KIAA0319L: variants seen among roughly 807,000 people sequenced by gnomAD.
KIAA0319L encodes KIAA0319 like.
A neutral mutation model predicts 120.1 loss-of-function variants in KIAA0319L; 55 were observed. The ratio of observed to expected loss-of-function variants is 0.46; its 90% CI spans 0.37 to 0.57. The LOEUF (loss-of-function observed/expected upper bound fraction) is 0.57, where lower values mean the gene tolerates loss of function less well. KIAA0319L is among the 20% of genes least tolerant of loss of function. The pLI, the probability that KIAA0319L is intolerant of heterozygous loss-of-function variation, is 0.00. For synonymous variants in KIAA0319L, 398 were observed against 471.9 expected, an observed-to-expected ratio of 0.84 and a Z score of 2.03; for missense variants, 1,049 against 1,255.3, an observed-to-expected ratio of 0.84 and a Z score of 2.48.
chr1:35,477,254 C>T (rs887620877), intron 4 of KIAA0319L, among the ~76,000 whole-genome samples: 3 of 151,950 alleles, frequency 2.0e-5, no homozygotes, highest in African/African-American at 7.3e-5. Flanking sequence ...TTTAATAATC[C>T]CATTTAAAAA....
rs141964768 is a variant in KIAA0319L at position 35,545,705 on chromosome 1, G to A, written c.142+8645C>T. ...GAGGCAGGTGTTTGAGACCAGCCTG[G>A]CCAACATGGTGAAACCCTGTCTGTA... On this transcript the variant is annotated intron_variant, in intron 2 of 20. Transcript: ENST00000325722. Among the ~76,000 whole-genome samples, 942 of 152,222 alleles carry A rather than the reference G, an allele frequency of 6.2e-3. 24 individuals are homozygous for A. The East Asian group carries it at 0.067, about 11-fold the overall frequency.
At chr1:35,504,591 G>A (rs1645142286) in intron 3 of KIAA0319L, among the ~76,000 whole-genome samples, 1 of 152,162 alleles carries the variant, frequency 6.6e-6, no homozygotes, top group Non-Finnish European at 1.5e-5. Flanking sequence ...TATTGGTAAG[G>A]CTTCCAGTCA....
intron 11 of KIAA0319L, 151 bp downstream of exon 11, chr1:35,454,211 C>T: frequency 1.4e-6 from 1 of 709,738 alleles, no homozygotes; most frequent in East Asian, 2.5e-5. Flanking sequence ...GAAGAAAGCA[C>T]AAGGGGAAGG....
intron 2 of KIAA0319L, among the ~76,000 whole-genome samples, chr1:35,508,265 T>C (rs766238724): frequency 3.3e-5 from 5 of 152,198 alleles, no homozygotes; most frequent in South Asian, 2.1e-4. Context: ...GTCCTGGCCC[T>C]GGGCTTATAA....
At chr1:35,556,714 C>G (rs1296511331) in intron 1 of KIAA0319L, 1 of 152,246 alleles carries the variant, frequency 6.6e-6, no homozygotes, top group Admixed American at 6.5e-5. Flanking sequence ...ATTTTGACTT[C>G]CTTCATTTCA....
In KIAA0319L at chr1:35,450,462, T is replaced by G. The variant is rs1641977280; in HGVS notation, c.2110A>C (p.Thr704Pro). The G allele has an allele frequency of 3.1e-6, 5 of 1,614,040 alleles. No individual in the cohort carries two copies. In the East Asian group the frequency reaches 1.1e-4, roughly 36 times the overall value. The change falls in exon 14 of 21, where the codon ACC (threonine) becomes CCC (proline). Residue 704 changes from threonine (T) to proline (P), a missense_variant. Transcript: ENST00000325722. ...AGCTCTGCTGTGCTCGTGGGTAGGG[T>G]AATCACCACATTCCCAGTTATCTTG... is the stretch of plus-strand genomic sequence containing the variant. ...IAKITGNVVI[T>P]LPTSTAELDG...
rs1194706298 is a variant in KIAA0319L, at chr1:35,443,037, G to A, written c.2657-9C>T. The A allele has an allele frequency of 6.2e-7, 1 of 1,614,120 alleles. No individual in the cohort carries two copies. The highest frequency in any genetic ancestry group is 1.1e-5 in the South Asian group (1 of 91,070). The stretch of plus-strand genomic sequence containing the variant: ...ACAGTTCAGCTGACATGCTGAGAGT[G>A]GCAGCAAAGGGAAGAAAGTCAACAA... On this transcript the variant is annotated splice_polypyrimidine_tract_variant and intron_variant, in intron 17 of 20. Coordinates refer to ENST00000325722, the MANE Select transcript of KIAA0319L (RefSeq NM_024874.5).
chr1:35,504,719 C>T (rs553219230), intron 3 of KIAA0319L, among the ~76,000 whole-genome samples: 11 of 152,296 alleles, frequency 7.2e-5, no homozygotes, highest in African/African-American at 2.2e-4. Context: ...TGTATATTCT[C>T]GCCCTTTCCA....
intron 13 of KIAA0319L, among the ~76,000 whole-genome samples, chr1:35,450,915 T>C (rs1307694633): frequency 6.6e-6 from 1 of 152,246 alleles, no homozygotes; most frequent in East Asian, 1.9e-4. Context: ...TAAAATGTTA[T>C]TCTCTGAATA....
Position 35,434,958 on chromosome 1 carries a change from T to C in KIAA0319L, c.3086A>G (p.Asn1029Ser), listed in dbSNP as rs1640665711. The change falls in exon 21 of 21, where the codon AAT (asparagine) becomes AGT (serine). Residue 1029 changes from asparagine to serine, a missense_variant. Coordinates refer to ENST00000325722, the MANE Select transcript of KIAA0319L (RefSeq NM_024874.5). ...REKGKLLHGQ[N>S]GSVPNGQTPL... ...GGTCTGCCCGTTGGGTACAGAGCCA[T>C]TCTGACCATGCAGGAGTTTGCCCTT... 1 of 1,614,068 alleles carries C rather than the reference T, an allele frequency of 6.2e-7. No individual in the cohort carries two copies. Among genetic ancestry groups the C allele is most frequent in the South Asian group, 1.1e-5 (1 of 91,072 alleles).
At chr1:35,458,273 G>T (rs1385803974) in intron 9 of KIAA0319L, among the ~76,000 whole-genome samples, 1 of 152,096 alleles carries the variant, frequency 6.6e-6, no homozygotes, top group Admixed American at 6.5e-5. Flanking sequence ...TGTCTCCTAT[G>T]TCAGGACAAA....
intron 12 of KIAA0319L, among the ~76,000 whole-genome samples, chr1:35,452,618 A>ATAAAACT (rs1642145664): frequency 6.6e-6 from 1 of 152,236 alleles, no homozygotes. Flanking sequence ...GTAAACACTA[A>ATAAAACT]TAAAACTCAG....
chr1:35,556,883 C>T (rs554221569), intron 1 of KIAA0319L: 1 of 151,892 alleles, frequency 6.6e-6, no homozygotes, highest in African/African-American at 2.4e-5. Flanking sequence ...GACCAAACAT[C>T]AGAGACAGCA....
chr1:35,434,854 C>A lies in KIAA0319L; in HGVS notation c.*40G>T. Reference sequence around the variant, plus strand: ...TCGGGAGGTAGGAGGACTGGCCGGGCAGTGTGCTGGGCCCTGCCCTGAGGA... The same window carrying A: ...TCGGGAGGTAGGAGGACTGGCCGGGAAGTGTGCTGGGCCCTGCCCTGAGGA... On this transcript the variant is annotated 3_prime_UTR_variant, in exon 21 of 21. Coordinates refer to ENST00000325722, the MANE Select transcript of KIAA0319L (RefSeq NM_024874.5). The A allele has an allele frequency of 6.4e-7, 1 of 1,562,268 alleles. No individual in the cohort carries two copies. The highest frequency in any genetic ancestry group is 1.2e-5 in the South Asian group (1 of 86,738).
chr1:35,464,005 C>T (rs1379817310), intron 7 of KIAA0319L, among the ~76,000 whole-genome samples: 8 of 152,154 alleles, frequency 5.3e-5, no homozygotes, highest in Non-Finnish European at 1.2e-4. Context: ...TGAGGCCTCC[C>T]CAGCCACGTG....
intron 3 of KIAA0319L, among the ~76,000 whole-genome samples, chr1:35,500,622 C>T (rs994863042): frequency 3.3e-5 from 5 of 152,220 alleles, no homozygotes; most frequent in Non-Finnish European, 5.9e-5. Flanking sequence ...CAATTTCTCT[C>T]CACTTTGGAT....
At chr1:35,482,365 C>T (rs762494236) in intron 3 of KIAA0319L, among the ~76,000 whole-genome samples, 1 of 151,232 alleles carries the variant, frequency 6.6e-6, no homozygotes, top group Non-Finnish European at 1.5e-5. Flanking sequence ...TATAGATGAA[C>T]GTTTGGGTTT....
At chr1:35,441,383 A>G (rs1449756321) in intron 19 of KIAA0319L, among the ~76,000 whole-genome samples, 1 of 152,204 alleles carries the variant, frequency 6.6e-6, no homozygotes, top group Non-Finnish European at 1.5e-5. Flanking sequence ...CACAGGGGCA[A>G]TGAAGGACAG....
At chr1:35,540,724 T>C (rs1450315708) in intron 2 of KIAA0319L, among the ~76,000 whole-genome samples, 1 of 152,214 alleles carries the variant, frequency 6.6e-6, no homozygotes, top group Non-Finnish European at 1.5e-5. Flanking sequence ...TCTAGTCTCC[T>C]ACATTCCCAG....
Sources: gnomAD v4.1 joint callset for allele counts (sites outside exome capture counted in the v4.1 genomes callset) on GRCh38, gnomAD v4.1.1 for gene constraint, MANE v1.5 for transcripts, NCBI Gene and HGNC (gene_info 2026-07-23, HGNC 2026-07-21) for gene names.